CNBD1: variants seen among roughly 807,000 people sequenced by gnomAD.
CNBD1 encodes the protein cyclic nucleotide binding domain containing 1.
In CNBD1, 71 loss-of-function variants were observed where a neutral mutation model predicts 54.4. That is an observed-to-expected ratio of 1.30 (90% CI 1.08 to 1.59). CNBD1 has a LOEUF of 1.59. Among genes scored for constraint, CNBD1 ranks in the 40% most tolerant of loss-of-function variants. The probability of loss-of-function intolerance (pLI) is 0.00; values close to 1 mark genes in which losing one functional copy is unlikely to be tolerated. For synonymous variants in CNBD1, 182 were observed against 170.7 expected (o/e 1.07, Z -0.51); for missense variants, 659 against 518.0 (o/e 1.27, Z -2.64).
At chr8:87,184,360 G>A (rs560615826) in intron 4 of CNBD1, among the ~76,000 whole-genome samples, 1 of 152,278 alleles carries the variant, frequency 6.6e-6, no homozygotes, top group South Asian at 2.1e-4. Context: ...GACCGCATGG[G>A]AAAGACAGCC....
At chr8:87,020,449 G>A (rs1239336580) in intron 4 of CNBD1, among the ~76,000 whole-genome samples, 4 of 152,148 alleles carry the variant, frequency 2.6e-5, no homozygotes, top group Non-Finnish European at 5.9e-5. Flanking sequence ...GGGAACCGAT[G>A]CTGTTTAGTT....
intron 4 of CNBD1, among the ~76,000 whole-genome samples, chr8:87,073,981 G>A (rs999773513): frequency 1.5e-4 from 23 of 151,732 alleles, no homozygotes; most frequent in Admixed American, 2.0e-4. Flanking sequence ...GGGCGCCGTA[G>A]TCCCAGCTAC....
At chr8:87,224,425 C>G (rs902327536) in intron 5 of CNBD1, among the ~76,000 whole-genome samples, 11 of 151,324 alleles carry the variant, frequency 7.3e-5, no homozygotes, top group Admixed American at 2.0e-4. Flanking sequence ...TTGTATAAGG[C>G]GTAAGGAAGG....
chr8:87,367,465 C>G (rs1810664609), intron 10 of CNBD1, among the ~76,000 whole-genome samples: 1 of 152,024 alleles, frequency 6.6e-6, no homozygotes, highest in African/African-American at 2.4e-5. Context: ...CTTCAAAAAT[C>G]TTCTATCAGT....
chr8:86,960,741 G>T (rs1807909246), intron 4 of CNBD1, among the ~76,000 whole-genome samples: 1 of 152,156 alleles, frequency 6.6e-6, no homozygotes, highest in Non-Finnish European at 1.5e-5. Context: ...CCCAGTGGGG[G>T]CCAAGTGACA....
chr8:86,940,963 T>C (rs1347323908), intron 4 of CNBD1, among the ~76,000 whole-genome samples: 2 of 152,146 alleles, frequency 1.3e-5, no homozygotes, highest in African/African-American at 2.4e-5. Context: ...AGGTGTGTAG[T>C]AGACTACACG....
At chr8:87,135,593 T>G (rs1249363169) in intron 4 of CNBD1, among the ~76,000 whole-genome samples, 1 of 148,240 alleles carries the variant, frequency 6.7e-6, no homozygotes, top group Non-Finnish European at 1.5e-5. Flanking sequence ...ATATGCTATA[T>G]AAACACATAT....
chr8:87,144,493 C>A (rs1812440746), intron 4 of CNBD1, among the ~76,000 whole-genome samples: 1 of 152,090 alleles, frequency 6.6e-6, no homozygotes, highest in South Asian at 2.1e-4. Context: ...TTACAGGAAA[C>A]AATCAATAAT....
At chr8:87,017,363 A>G (rs1809376680) in intron 4 of CNBD1, among the ~76,000 whole-genome samples, 1 of 152,226 alleles carries the variant, frequency 6.6e-6, no homozygotes, top group African/African-American at 2.4e-5. Context: ...TCCGCTGCAT[A>G]GCCTTTTGTG....
intron 2 of CNBD1, among the ~76,000 whole-genome samples, chr8:86,894,790 A>G (rs1808825886): frequency 1.3e-5 from 2 of 152,078 alleles, no homozygotes; most frequent in African/African-American, 4.8e-5. Context: ...ATAATACTGT[A>G]TATATTATTT....
intron 2 of CNBD1, among the ~76,000 whole-genome samples, chr8:87,423,856 A>G (rs991580994): frequency 1.3e-5 from 2 of 152,224 alleles, no homozygotes; most frequent in South Asian, 2.1e-4. Flanking sequence ...GAATGGTACC[A>G]GTTCCTCCTT....
At chr8:87,261,640 C>A (rs900463655) in intron 6 of CNBD1, among the ~76,000 whole-genome samples, 2 of 151,872 alleles carry the variant, frequency 1.3e-5, no homozygotes, top group East Asian at 3.9e-4. Flanking sequence ...AATTTGAACA[C>A]TTAGCAGTCA....
chr8:86,988,546 A>G (rs371374430), intron 4 of CNBD1, among the ~76,000 whole-genome samples: 2 of 152,166 alleles, frequency 1.3e-5, no homozygotes, highest in East Asian at 1.9e-4. Context: ...ATCCAATTAT[A>G]CTGTTTTAAT....
rs1285014202 is a variant in CNBD1 at position 87,251,908 on chromosome 8, G to A, written c.771+14796G>A. Among the ~76,000 whole-genome samples, 5 of 149,616 alleles carry A rather than the reference G, an allele frequency of 3.3e-5. No homozygotes were observed. In the South Asian group the frequency reaches 8.4e-4, roughly 25 times the overall value. On this transcript the variant is annotated intron_variant, in intron 6 of 10. Transcript: ENST00000518476. ...TCTAAGCAAACTTTCTTTGAAGAAAGTATTTTTTTTTTCTGAGATGATGCT... is the reference window on the plus strand; with the variant it reads ...TCTAAGCAAACTTTCTTTGAAGAAAATATTTTTTTTTTCTGAGATGATGCT...
intron 4 of CNBD1, among the ~76,000 whole-genome samples, chr8:87,174,991 A>C (rs1813167600): frequency 6.6e-6 from 1 of 152,180 alleles, no homozygotes; most frequent in Non-Finnish European, 1.5e-5. Flanking sequence ...CCCTGTGGCC[A>C]CTAACACTAG....
chr8:87,231,538 A>G (rs1427710170), intron 5 of CNBD1, among the ~76,000 whole-genome samples: 3 of 152,188 alleles, frequency 2.0e-5, no homozygotes, highest in Non-Finnish European at 4.4e-5. Flanking sequence ...CCTGACTCAT[A>G]GGGTTATAAT....
At chr8:86,887,451 T>G in intron 1 of CNBD1, 91 bp from the exon 2 acceptor site, 1 of 776,222 alleles carries the variant, frequency 1.3e-6, no homozygotes, top group South Asian at 1.8e-5. Context: ...ATTCTTTCAC[T>G]ATGATGAATG....
At chr8:86,927,759 A>G (rs774970954) in intron 3 of CNBD1, among the ~76,000 whole-genome samples, 5 of 152,182 alleles carry the variant, frequency 3.3e-5, no homozygotes, top group Non-Finnish European at 7.3e-5. Flanking sequence ...TAAAGATTAC[A>G]TAGGTTTTCA....
chr8:87,222,951 T>A (rs1814374428), intron 5 of CNBD1, among the ~76,000 whole-genome samples: 1 of 152,082 alleles, frequency 6.6e-6, no homozygotes, highest in Non-Finnish European at 1.5e-5. Flanking sequence ...TTTATGAAAC[T>A]TATTCCTAAC....
Sources: allele counts gnomAD v4.1 joint callset (sites outside exome capture counted in the v4.1 genomes callset), GRCh38; gene constraint gnomAD v4.1.1; transcripts MANE v1.5; gene names NCBI Gene and HGNC (gene_info 2026-07-23, HGNC 2026-07-21).